Variants in ZNF462 observed in about 807,000 individuals in gnomAD.
ZNF462 encodes the protein zinc finger protein 462.
ZNF462 carries 10 observed loss-of-function variants against 201.9 expected under a neutral mutation model. The observed-to-expected ratio is 0.05, with a 90% CI of 0.03 to 0.08. The LOEUF is 0.08. Ranked by LOEUF, ZNF462 falls within the 10% of genes least tolerant of loss-of-function variation. The pLI is 1.00. For synonymous variants in ZNF462, 1,227 were observed against 1,193.3 expected (o/e 1.03, Z -0.58); for missense variants, 2,523 against 3,168.3 (o/e 0.80, Z 4.89).
intron 7 of ZNF462, among the ~76,000 whole-genome samples, chr9:106,947,681 C>A (rs970238894): frequency 1.3e-5 from 2 of 152,084 alleles, no homozygotes; most frequent in Non-Finnish European, 2.9e-5. Flanking sequence ...GAGAAGGGCA[C>A]GAGGAGTGAA....
At chr9:106,916,572 G>A (rs7046019) in intron 1 of ZNF462, among the ~76,000 whole-genome samples, 5 of 152,322 alleles carry the variant, frequency 3.3e-5, no homozygotes, top group East Asian at 1.9e-4. Flanking sequence ...TTAGCTCTGG[G>A]GGGGGAGAAA....
rs779667768 is a variant in ZNF462, at chr9:106,864,880, C to CT, written c.-31+1526dup. ...GACTAGTTTGGTTAAGAGCTGGGAA[C>CT]TGAGTCAGGTAAGCCGTGTCATGTT... On this transcript the variant is annotated intron_variant, in intron 1 of 12. Coordinates refer to ENST00000277225, the MANE Select transcript of ZNF462 (RefSeq NM_021224.6). 5.3e-5 allele frequency among the ~76,000 whole-genome samples: 8 copies of CT among 152,182 alleles called. No homozygotes were observed. In the East Asian group the frequency reaches 1.5e-3, roughly 29 times the overall value.
Position 106,984,538 on chromosome 9 carries a change from T to C in ZNF462, c.7056+129T>C. 1.4e-6 allele frequency: 1 copy of C among 716,936 alleles called. No homozygotes were observed. Among genetic ancestry groups the C allele is most frequent in the East Asian group, 2.7e-5 (1 of 36,872 alleles). The allele number at this position is 716,936 out of a possible 1,614,324, so 44.4% of individuals were successfully genotyped here. A position where few individuals can be genotyped will look rare whatever the true frequency, so the allele number is the denominator to read the frequency against. ...ATGTGGACTCAAAGAGCTTTTAAAG[T>C]GAGGTCTAGTTTCTTCTATTAGAAA... On this transcript the variant is annotated intron_variant, in intron 10 of 12. Transcript: ENST00000277225. The surrounding 1 kb of genome is among the most constrained non-coding windows in gnomAD (Gnocchi z 6.4).
At chr9:106,866,813 G>A (rs1827353430) in intron 1 of ZNF462, among the ~76,000 whole-genome samples, 2 of 152,150 alleles carry the variant, frequency 1.3e-5, no homozygotes, top group South Asian at 4.1e-4. Flanking sequence ...GAGTTATTTG[G>A]AAAAGTAATT....
rs184285805 is a variant in ZNF462, at chr9:106,935,662, T to A, written c.6235+41T>A. ...ATGATGCACAAGTTCTTTAGCACTC[T>A]CTGAGTTTGAAACCTGATGATCTTT... On this transcript the variant is annotated intron_variant, in intron 6 of 12. Transcript: ENST00000277225. This position sits in a 1 kb window ranked among gnomAD's most constrained non-coding sequence, Gnocchi z 4.1. 24 of 1,522,792 alleles carry A rather than the reference T, an allele frequency of 1.6e-5. No homozygotes were observed. The Admixed American group carries it at 2.0e-4, about 13-fold the overall frequency. 94.3% of individuals were successfully genotyped at this position (1,522,792 alleles called of 1,614,324 possible).
At chr9:106,985,950 T>TG (rs1368228425) in intron 10 of ZNF462, among the ~76,000 whole-genome samples, 4 of 152,216 alleles carry the variant, frequency 2.6e-5, no homozygotes, top group African/African-American at 9.6e-5. Flanking sequence ...ATATCCTTTC[T>TG]TTTTCAAACT....
rs139165480 is a variant in ZNF462, at chr9:106,924,858, A to G, written c.946A>G (p.Thr316Ala). ...TGCAAGCCGGGAGATACCCAATACT[A>G]CCGTCTCCAACTTCAGGGGCTCCAT... is the stretch of plus-strand genomic sequence containing the variant. ...NAASREIPNT[T>A]VSNFRGSMGN... is the part of the protein sequence containing the mutation. Residue 316 changes from threonine (T) to alanine (A), a missense_variant, in exon 3 of 13, where the codon ACC becomes GCC. Physicochemically the swap from Thr to Ala is moderately conservative, Grantham distance 58. Around this residue, in one of 15 missense-constraint regions of ZNF462, gnomAD observed 480 missense variants for 544.4 expected, o/e 0.88. Coordinates refer to ENST00000277225, the MANE Select transcript of ZNF462 (RefSeq NM_021224.6). This position sits in a 1 kb window ranked among gnomAD's most constrained non-coding sequence, Gnocchi z 6.2. The G allele has an allele frequency of 2.2e-5, 36 of 1,613,988 alleles. No homozygotes were observed. Among genetic ancestry groups the G allele is most frequent in the Non-Finnish European group, 3.0e-5 (35 of 1,180,018 alleles).
chr9:106,943,152 C>T (rs1203544706), intron 7 of ZNF462, among the ~76,000 whole-genome samples: 1 of 150,720 alleles, frequency 6.6e-6, no homozygotes, highest in Non-Finnish European at 1.5e-5. Context: ...GTTGTGATAC[C>T]CCTCCATTTA....
intron 4 of ZNF462, among the ~76,000 whole-genome samples, chr9:106,931,251 G>A (rs1830411620): frequency 6.6e-6 from 1 of 152,176 alleles, no homozygotes; most frequent in Non-Finnish European, 1.5e-5. Context: ...CCCATATGAT[G>A]CTGACAAGTG....
At position 106,974,576 on chromosome 9, in the gene ZNF462, T is replaced by C. The variant is rs150564853; in HGVS notation, c.6832+303T>C. ...CAATTCTGCCACCCACAGCCTTGCGTAGACTGCATAGAAGGAATGAACAAG... is the reference window on the plus strand; with the variant it reads ...CAATTCTGCCACCCACAGCCTTGCGCAGACTGCATAGAAGGAATGAACAAG... On this transcript the variant is annotated intron_variant, in intron 9 of 12. Transcript: ENST00000277225. This position sits in a 1 kb window ranked among gnomAD's most constrained non-coding sequence, Gnocchi z 4.0. The C allele has an allele frequency of 2.2e-3, 933 of 432,492 alleles. 4 individuals carry two copies. The highest frequency in any genetic ancestry group is 4.8e-3 in the Middle Eastern group (7 of 1,450). The allele number at this position is 432,492 out of a possible 1,614,324, so 26.8% of individuals were successfully genotyped here. A position where few individuals can be genotyped will look rare whatever the true frequency, so the allele number is the denominator to read the frequency against.
chr9:106,969,370 A>G (rs777221990), intron 7 of ZNF462, among the ~76,000 whole-genome samples: 9 of 152,194 alleles, frequency 5.9e-5, no homozygotes, highest in Non-Finnish European at 1.0e-4. Context: ...TCCATACTGT[A>G]TAAATACCAG....
chr9:106,923,497 G>A lies in ZNF462; in HGVS notation c.114G>A (p.Glu38=), dbSNP rs1259795428. ...TAFLQPTDVA[E]DNVNELRCGS... ...TTCTGCAGCCAACTGATGTTGCTGA[G>A]GACAATGTGAATGAGCTACGATGTG... Residue 38 remains glutamate, a synonymous_variant, in exon 2 of 13, where the codon GAG becomes GAA. Coordinates refer to ENST00000277225, the MANE Select transcript of ZNF462 (RefSeq NM_021224.6). This position sits in a 1 kb window ranked among gnomAD's most constrained non-coding sequence, Gnocchi z 5.6. 7 of 1,614,190 alleles carry A rather than the reference G, an allele frequency of 4.3e-6. No homozygotes were observed. The highest frequency in any genetic ancestry group is 5.9e-6 in the Non-Finnish European group (7 of 1,180,040).
Position 106,927,626 on chromosome 9 carries a change from C to T in ZNF462, c.3714C>T (p.Asp1238=). Residue 1238 remains aspartate (D), a synonymous_variant, in exon 3 of 13, where the codon GAC becomes GAT. Transcript: ENST00000277225. ...QHTATIRSLC[D]RNQKKPASCV... The stretch of plus-strand genomic sequence containing the variant: ...CGGCCACCATTCGAAGCCTCTGCGA[C>T]CGAAATCAGAAGAAGCCTGCCAGCT... 1 of 1,613,992 alleles carries T rather than the reference C, an allele frequency of 6.2e-7. No individual in the cohort carries two copies. Among genetic ancestry groups the T allele is most frequent in the Non-Finnish European group, 8.5e-7 (1 of 1,180,006 alleles).
At chr9:106,906,090 G>A (rs1429266131) in intron 1 of ZNF462, among the ~76,000 whole-genome samples, 1 of 152,188 alleles carries the variant, frequency 6.6e-6, no homozygotes, top group East Asian at 1.9e-4. Context: ...CTCTACCCCT[G>A]TATTTCACTT....
At chr9:106,988,629 A>G (rs543238569) in intron 10 of ZNF462, among the ~76,000 whole-genome samples, 2 of 152,288 alleles carry the variant, frequency 1.3e-5, no homozygotes, top group South Asian at 4.1e-4. Flanking sequence ...TGCTTTTGGC[A>G]GTATGGTCAT....
chr9:106,989,124 G>C (rs1299594830), intron 10 of ZNF462, among the ~76,000 whole-genome samples: 4 of 152,118 alleles, frequency 2.6e-5, no homozygotes, highest in African/African-American at 4.8e-5. Context: ...CCAGTTCTCA[G>C]AGGGACAGCT....
chr9:106,909,351 T>C (rs1829446459), intron 1 of ZNF462, among the ~76,000 whole-genome samples: 1 of 152,154 alleles, frequency 6.6e-6, no homozygotes, highest in Non-Finnish European at 1.5e-5. Context: ...TACGGAATTA[T>C]TTATTGTTAT....
Position 107,004,906 on chromosome 9 carries a change from C to T in ZNF462, c.7189+1480C>T, listed in dbSNP as rs117239719. ...CCCCTGGTAACCACCATTCTACTAT[C>T]TGCTTGTATGACTTTGACTTTTCTA... is the stretch of plus-strand genomic sequence containing the variant. On this transcript the variant is annotated intron_variant, in intron 11 of 12. Transcript: ENST00000277225. 8.3e-3 allele frequency among the ~76,000 whole-genome samples: 1,257 copies of T among 152,162 alleles called. 11 individuals carry two copies. The highest frequency in any genetic ancestry group is 0.011 in the Non-Finnish European group (776 of 68,002).
intron 8 of ZNF462, among the ~76,000 whole-genome samples, chr9:106,973,335 C>G (rs1484392079): frequency 6.6e-6 from 1 of 151,786 alleles, no homozygotes; most frequent in East Asian, 2.0e-4. Flanking sequence ...AAGAAGAAGT[C>G]TCTTTCCCAC....
Sources: gnomAD v4.1 joint callset for allele counts (sites outside exome capture counted in the v4.1 genomes callset) on GRCh38, gnomAD v4.1.1 for gene constraint, gnomAD v4.1.1 regional missense constraint, Gnocchi (gnomAD v3.1) non-coding constraint, MANE v1.5 for transcripts, NCBI Gene and HGNC (gene_info 2026-07-23, HGNC 2026-07-21) for gene names.